The following SGPP2 variants were observed in gnomAD, a reference collection of about 807,000 sequenced individuals.
SGPP2 encodes the protein sphingosine-1-phosphate phosphatase 2, also known as sphingosine 1-phosphate phosphohydrolase 2.
Under a neutral mutation model 33.9 loss-of-function variants are expected in SGPP2, and 30 were observed. The ratio of observed to expected loss-of-function variants is 0.89; its 90% CI spans 0.66 to 1.20. SGPP2 has a LOEUF of 1.20. Among genes scored for constraint, SGPP2 ranks in the 50% most tolerant of loss-of-function variants. The pLI, the probability that SGPP2 is intolerant of heterozygous loss-of-function variation, is 0.00. For missense variants in SGPP2, 458 were observed against 532.1 expected (o/e 0.86, Z 1.37); for synonymous variants, 233 against 225.0 (o/e 1.04, Z -0.32).
rs946603394 is a variant in SGPP2, at chr2:222,463,970, C to T, written c.220-10598C>T. 5.9e-4 allele frequency among the ~76,000 whole-genome samples: 89 copies of T among 151,764 alleles called. 1 individual carries two copies. The highest frequency in any genetic ancestry group is 2.1e-3 in the African/African-American group (86 of 41,334). ...ACCCTCCCAAGTTCTGAATCCTGTA[C>T]GTGTGTTGGGGTGAGGGGAAATGCC... On this transcript the variant is annotated intron_variant, in intron 1 of 4. Coordinates refer to ENST00000321276, the MANE Select transcript of SGPP2 (RefSeq NM_152386.4).
chr2:222,439,272 T>C (rs1697290053), intron 1 of SGPP2, among the ~76,000 whole-genome samples: 1 of 152,170 alleles, frequency 6.6e-6, no homozygotes, highest in Non-Finnish European at 1.5e-5. Flanking sequence ...AATGGGGTCC[T>C]TCCTCAAGGG....
Position 222,438,538 on chromosome 2 carries a change from C to G in SGPP2, c.219+13717C>G, listed in dbSNP as rs137958589. 1.7e-3 allele frequency among the ~76,000 whole-genome samples: 257 copies of G among 152,318 alleles called. 2 individuals are homozygous for G. In the Middle Eastern group the frequency reaches 0.017, roughly 10 times the overall value. On this transcript the variant is annotated intron_variant, in intron 1 of 4. Coordinates refer to ENST00000321276, the MANE Select transcript of SGPP2 (RefSeq NM_152386.4). ...AAGGCAAGTTGCTTCTGGTGGGCCT[C>G]ATGGACAGGAATGGAGAAAAAGGCA... is the stretch of plus-strand genomic sequence containing the variant.
At chr2:222,449,907 A>G (rs902415144) in intron 1 of SGPP2, among the ~76,000 whole-genome samples, 6 of 152,184 alleles carry the variant, frequency 3.9e-5, no homozygotes. Flanking sequence ...GCTAGCAAGT[A>G]TGGGAATGAG....
intron 3 of SGPP2, among the ~76,000 whole-genome samples, chr2:222,524,141 G>C (rs941160180): frequency 2.0e-5 from 3 of 152,200 alleles, no homozygotes; most frequent in African/African-American, 7.2e-5. Flanking sequence ...TATTATCATG[G>C]TTAAGAGCTT....
At chr2:222,427,676 C>G (rs1188633390) in intron 1 of SGPP2, among the ~76,000 whole-genome samples, 3 of 152,130 alleles carry the variant, frequency 2.0e-5, no homozygotes, top group African/African-American at 4.8e-5. Flanking sequence ...GATTTAGGAC[C>G]CTTCAAACAA....
chr2:222,449,663 GTTTCA>G (rs1697454307), intron 1 of SGPP2, among the ~76,000 whole-genome samples: 1 of 152,114 alleles, frequency 6.6e-6, no homozygotes, highest in Non-Finnish European at 1.5e-5. Context: ...TAGAGATGGG[GTTTCA>G]CCATGTTAGC....
rs775615557 is a variant in SGPP2, at chr2:222,558,420, G to T, written c.722G>T (p.Cys241Phe). 4 of 1,613,984 alleles carry T rather than the reference G, an allele frequency of 2.5e-6. No individual in the cohort carries two copies. Among genetic ancestry groups the T allele is most frequent in the South Asian group, 2.2e-5 (2 of 91,092 alleles). Residue 241 changes from cysteine to phenylalanine, a missense_variant, in exon 5 of 5, where the codon TGC (cysteine) becomes TTC (phenylalanine). By Grantham distance (205) the Cys-to-Phe change is radical. Coordinates refer to ENST00000321276, the MANE Select transcript of SGPP2 (RefSeq NM_152386.4). ...LTYPAWTFID[C>F]LDSASPLFPV... is the part of the protein sequence containing the mutation. ...TACCCTGCCTGGACCTTCATCGACT[G>T]CCTGGACTCGGCCAGCCCCCTCTTC...
At chr2:222,544,434 G>T (rs1689142013) in intron 4 of SGPP2, among the ~76,000 whole-genome samples, 1 of 152,152 alleles carries the variant, frequency 6.6e-6, no homozygotes, top group Non-Finnish European at 1.5e-5. Context: ...GTGGGAGACT[G>T]GTTCCACAAC....
chr2:222,525,143 A>C lies in SGPP2; in HGVS notation c.648+110A>C, dbSNP rs1008839931. 9 of 723,806 alleles carry C rather than the reference A, an allele frequency of 1.2e-5. No individual in the cohort carries two copies. The African/African-American group carries it at 1.6e-4, about 13-fold the overall frequency. The allele number at this position is 723,806 out of a possible 1,614,324, so 44.8% of individuals were successfully genotyped here. Reference sequence around the variant, plus strand: ...TATAAAATTATTTGCATATGTAATTATATTTCTCATCATGCCAATGCATTA... The same window carrying C: ...TATAAAATTATTTGCATATGTAATTCTATTTCTCATCATGCCAATGCATTA... On this transcript the variant is annotated intron_variant, in intron 4 of 4. Transcript: ENST00000321276.
At chr2:222,557,139 T>G (rs761553661) in intron 4 of SGPP2, among the ~76,000 whole-genome samples, 50 of 152,154 alleles carry the variant, frequency 3.3e-4, no homozygotes, top group Non-Finnish European at 6.0e-4. Flanking sequence ...GTGTTCACTC[T>G]CTCTCTCCAG....
intron 2 of SGPP2, among the ~76,000 whole-genome samples, chr2:222,499,348 A>G (rs1698331071): frequency 6.6e-6 from 1 of 152,216 alleles, no homozygotes; most frequent in Non-Finnish European, 1.5e-5. Context: ...GGCCAAGTGG[A>G]AAATCAATGG....
chr2:222,443,828 C>T (rs1291244478), intron 1 of SGPP2, among the ~76,000 whole-genome samples: 1 of 152,158 alleles, frequency 6.6e-6, no homozygotes, highest in Non-Finnish European at 1.5e-5. Context: ...TAAGATGGTG[C>T]TTGGCTTCTT....
chr2:222,552,448 A>G (rs1337086808), intron 4 of SGPP2, among the ~76,000 whole-genome samples: 1 of 152,186 alleles, frequency 6.6e-6, no homozygotes, highest in Non-Finnish European at 1.5e-5. Flanking sequence ...GAATGACACA[A>G]AGGACTCTGG....
chr2:222,527,267 A>G (rs922381076), intron 4 of SGPP2, among the ~76,000 whole-genome samples: 4 of 152,006 alleles, frequency 2.6e-5, no homozygotes, highest in African/African-American at 9.7e-5. Context: ...AAACATTTTT[A>G]TATGCACTGA....
At chr2:222,526,029 A>G (rs1698753504) in intron 4 of SGPP2, among the ~76,000 whole-genome samples, 1 of 152,224 alleles carries the variant, frequency 6.6e-6, no homozygotes, top group South Asian at 2.1e-4. Context: ...TCAGAGAGCA[A>G]CATTACGCTT....
intron 2 of SGPP2, among the ~76,000 whole-genome samples, chr2:222,500,392 A>T (rs558976925): frequency 6.6e-6 from 1 of 152,258 alleles, no homozygotes; most frequent in South Asian, 2.1e-4. Flanking sequence ...ATGAGGAGTA[A>T]GTGGGGGTAT....
intron 1 of SGPP2, among the ~76,000 whole-genome samples, chr2:222,442,107 A>G (rs1697333543): frequency 1.3e-5 from 2 of 152,216 alleles, no homozygotes; most frequent in Non-Finnish European, 2.9e-5. Flanking sequence ...CCTTAAAAAT[A>G]TCCTTCCTTG....
At chr2:222,497,333 A>G (rs1208686801) in intron 2 of SGPP2, among the ~76,000 whole-genome samples, 1 of 148,040 alleles carries the variant, frequency 6.8e-6, no homozygotes, top group Non-Finnish European at 1.5e-5. Flanking sequence ...GCTCACTGCA[A>G]CCTCCGCCTC....
intron 4 of SGPP2, among the ~76,000 whole-genome samples, chr2:222,541,353 G>T (rs1000643961): frequency 6.6e-6 from 1 of 152,164 alleles, no homozygotes; most frequent in African/African-American, 2.4e-5. Flanking sequence ...CTCAAGACAT[G>T]CTGTTTTATG....
Sources: allele counts gnomAD v4.1 joint callset (sites outside exome capture counted in the v4.1 genomes callset), GRCh38; gene constraint gnomAD v4.1.1; transcripts MANE v1.5; gene names NCBI Gene and HGNC (gene_info 2026-07-23, HGNC 2026-07-21).